The following RASAL2 variants were observed in gnomAD, a reference collection of about 807,000 sequenced individuals.
RASAL2 encodes the protein ras GTPase-activating protein nGAP.
RASAL2 carries 58 observed loss-of-function variants against 128.9 expected under a neutral mutation model. The observed-to-expected ratio is 0.45, with a 90% CI of 0.36 to 0.56. The LOEUF (loss-of-function observed/expected upper bound fraction) is 0.56, where lower values mean the gene tolerates loss of function less well. Ranked by LOEUF, RASAL2 falls within the 20% of genes least tolerant of loss-of-function variation. The probability of loss-of-function intolerance (pLI) is 0.00; values close to 1 mark genes in which losing one functional copy is unlikely to be tolerated. For missense variants in RASAL2, 1,360 were observed against 1,601.6 expected (o/e 0.85, Z 2.57); for synonymous variants, 561 against 580.8 (o/e 0.97, Z 0.49).
intron 14 of RASAL2, among the ~76,000 whole-genome samples, chr1:178,459,271 A>G (rs1274353498): frequency 1.3e-5 from 2 of 152,102 alleles, no homozygotes; most frequent in Admixed American, 6.5e-5. Context: ...TTCCTTAAAT[A>G]TTACATTTTG....
chr1:178,439,950 C>CCATGTTT (rs1377322845), intron 6 of RASAL2, among the ~76,000 whole-genome samples: 7 of 144,432 alleles, frequency 4.8e-5, no homozygotes. Flanking sequence ...AGATCTGAGA[C>CCATGTTT]CATGTTTTTC....
At chr1:178,202,171 C>G (rs904499968) in intron 1 of RASAL2, among the ~76,000 whole-genome samples, 2 of 152,168 alleles carry the variant, frequency 1.3e-5, no homozygotes, top group African/African-American at 4.8e-5. Flanking sequence ...GGAGTTTTAG[C>G]TCAGGTTTGA....
At chr1:178,297,118 G>A (rs534865484) in intron 2 of RASAL2, among the ~76,000 whole-genome samples, 1 of 152,138 alleles carries the variant, frequency 6.6e-6, no homozygotes, top group South Asian at 2.1e-4. Context: ...GAGGAATTCA[G>A]TATAAACAAG....
intron 3 of RASAL2, among the ~76,000 whole-genome samples, chr1:178,373,023 C>A (rs1671797955): frequency 6.6e-6 from 1 of 152,022 alleles, no homozygotes; most frequent in Non-Finnish European, 1.5e-5. Flanking sequence ...TTATAGCCTT[C>A]AAATTTATCT....
intron 1 of RASAL2, among the ~76,000 whole-genome samples, chr1:178,122,031 C>G (rs1374028745): frequency 2.0e-5 from 3 of 151,968 alleles, no homozygotes; most frequent in African/African-American, 7.3e-5. Flanking sequence ...GGCTCTAGGA[C>G]CAAGTCATTG....
At chr1:178,279,731 A>G (rs761827354) in intron 1 of RASAL2, among the ~76,000 whole-genome samples, 2 of 152,214 alleles carry the variant, frequency 1.3e-5, no homozygotes, top group Non-Finnish European at 2.9e-5. Context: ...GGAAACAACC[A>G]AGAGTATTTA....
At chr1:178,340,426 T>A (rs1207944392) in intron 3 of RASAL2, among the ~76,000 whole-genome samples, 1 of 152,154 alleles carries the variant, frequency 6.6e-6, no homozygotes, top group East Asian at 1.9e-4. Flanking sequence ...GATTACATAG[T>A]TGACTTGCCT....
chr1:178,222,193 G>A (rs316260), intron 1 of RASAL2, among the ~76,000 whole-genome samples: 144,394 of 152,224 alleles, frequency 0.95, 68,935 homozygotes, highest in East Asian at 1. Flanking sequence ...TTATTCTAAC[G>A]GTCTCTATTT....
chr1:178,259,601 A>G (rs1665559071), intron 1 of RASAL2, among the ~76,000 whole-genome samples: 1 of 152,174 alleles, frequency 6.6e-6, no homozygotes, highest in African/African-American at 2.4e-5. Context: ...TTAGAGGCCA[A>G]GTCTCTCTCT....
chr1:178,462,719 T>C (rs968446306), intron 14 of RASAL2, among the ~76,000 whole-genome samples: 1 of 152,154 alleles, frequency 6.6e-6, no homozygotes, highest in African/African-American at 2.4e-5. Context: ...AGCAAAGTGC[T>C]AGGATATATT....
intron 8 of RASAL2, among the ~76,000 whole-genome samples, chr1:178,445,049 T>C (rs1676904770): frequency 6.6e-6 from 1 of 150,614 alleles, no homozygotes; most frequent in African/African-American, 2.5e-5. Context: ...AAATGATGTG[T>C]GAACTAAAAT....
chr1:178,109,720 T>G (rs1226255988), intron 1 of RASAL2, among the ~76,000 whole-genome samples: 1 of 152,162 alleles, frequency 6.6e-6, no homozygotes, highest in Non-Finnish European at 1.5e-5. Flanking sequence ...TTCATATATC[T>G]TTTTAGAAAC....
intron 1 of RASAL2, chr1:178,125,349 A>G (rs1394961005): frequency 6.6e-6 from 1 of 152,096 alleles, no homozygotes; most frequent in Non-Finnish European, 1.5e-5. Context: ...GCATCTCTTC[A>G]TATGCAACGT....
intron 1 of RASAL2, among the ~76,000 whole-genome samples, chr1:178,195,602 A>G (rs1315039187): frequency 6.6e-6 from 1 of 152,166 alleles, no homozygotes; most frequent in Non-Finnish European, 1.5e-5. Context: ...AATAATAAAT[A>G]TAAGATGTAA....
At chr1:178,218,784 A>AT (rs2101999026) in intron 1 of RASAL2, among the ~76,000 whole-genome samples, 1 of 152,366 alleles carries the variant, frequency 6.6e-6, no homozygotes, top group African/African-American at 2.4e-5. Flanking sequence ...ATTTAGCATA[A>AT]TTCATACGGG....
At chr1:178,375,527 G>A (rs966550087) in intron 3 of RASAL2, among the ~76,000 whole-genome samples, 1 of 152,092 alleles carries the variant, frequency 6.6e-6, no homozygotes, top group Non-Finnish European at 1.5e-5. Flanking sequence ...TTTTATCCCT[G>A]TGTATTATAA....
chr1:178,180,663 T>TCA (rs3979280), intron 1 of RASAL2, among the ~76,000 whole-genome samples: 25 of 139,204 alleles, frequency 1.8e-4, no homozygotes, highest in African/African-American at 5.1e-4. Context: ...CGAGACTGTC[T>TCA]CACACACACA....
intron 3 of RASAL2, among the ~76,000 whole-genome samples, chr1:178,359,721 AGAT>A (rs753080438): frequency 6.6e-6 from 1 of 152,226 alleles, no homozygotes; most frequent in African/African-American, 2.4e-5. Context: ...TGCTGTAGTC[AGAT>A]GATGATGGTG....
chr1:178,472,140 C>T (rs1217257232), intron 17 of RASAL2, among the ~76,000 whole-genome samples: 1 of 152,062 alleles, frequency 6.6e-6, no homozygotes, highest in Non-Finnish European at 1.5e-5. Context: ...CTCTTCTAAC[C>T]TAATCCTTAG....
Sources: gnomAD v4.1 joint callset for allele counts (sites outside exome capture counted in the v4.1 genomes callset) on GRCh38, gnomAD v4.1.1 for gene constraint, MANE v1.5 for transcripts, NCBI Gene and HGNC (gene_info 2026-07-23, HGNC 2026-07-21) for gene names.